The following SHOC2 variants were observed in gnomAD, a reference collection of about 807,000 sequenced individuals.
SHOC2 encodes leucine-rich repeat protein SHOC-2.
In SHOC2, 4 loss-of-function variants were observed where a neutral mutation model predicts 50.2. The observed-to-expected ratio is 0.08, with a 90% CI of 0.04 to 0.18. The LOEUF (loss-of-function observed/expected upper bound fraction) is 0.18, where lower values mean the gene tolerates loss of function less well. SHOC2 is among the 10% of genes least tolerant of loss of function. SHOC2 has a pLI of 1.00. For synonymous variants in SHOC2, 218 were observed against 244.5 expected, an observed-to-expected ratio of 0.89 and a Z score of 1.01; for missense variants, 388 against 669.6, an observed-to-expected ratio of 0.58 and a Z score of 4.64.
intron 3 of SHOC2, among the ~76,000 whole-genome samples, chr10:110,993,255 G>A (rs957323873): frequency 5.9e-5 from 9 of 152,190 alleles, no homozygotes; most frequent in Non-Finnish European, 1.2e-4. Flanking sequence ...TTTCTAGGTT[G>A]CAGTTTAGTT....
At chr10:110,988,189 A>T (rs893339165) in intron 3 of SHOC2, among the ~76,000 whole-genome samples, 1 of 152,154 alleles carries the variant, frequency 6.6e-6, no homozygotes, top group African/African-American at 2.4e-5. Context: ...ATGTAATGTT[A>T]TACAACCTAT....
chr10:111,005,024 G>A (rs1190096881), intron 5 of SHOC2, among the ~76,000 whole-genome samples: 1 of 152,166 alleles, frequency 6.6e-6, no homozygotes. Context: ...AGTGGCTGAT[G>A]CACCTGTAAT....
At chr10:110,967,335 C>T (rs1847694993) in intron 2 of SHOC2, among the ~76,000 whole-genome samples, 1 of 152,136 alleles carries the variant, frequency 6.6e-6, no homozygotes, top group Non-Finnish European at 1.5e-5. Context: ...ATGGGTACCA[C>T]CCCCCATAGA....
At chr10:110,972,588 A>C (rs2134131485) in intron 2 of SHOC2, among the ~76,000 whole-genome samples, 1 of 152,244 alleles carries the variant, frequency 6.6e-6, no homozygotes, top group Non-Finnish European at 1.5e-5. Context: ...AAACAACAAC[A>C]CAGAATAGCA....
At chr10:110,925,711 C>CA (rs1239753782) in intron 1 of SHOC2, among the ~76,000 whole-genome samples, 1 of 152,194 alleles carries the variant, frequency 6.6e-6, no homozygotes, top group East Asian at 1.9e-4. Flanking sequence ...CCTGCCTTGG[C>CA]CTCCCAAAGT....
intron 2 of SHOC2, among the ~76,000 whole-genome samples, 196 bp from the exon 3 acceptor site, chr10:110,985,429 AAAG>A (rs890872952): frequency 9.9e-5 from 15 of 152,078 alleles, no homozygotes; most frequent in African/African-American, 3.6e-4. Flanking sequence ...GATACAGAAA[AAAG>A]AAGTTTTTAT....
intron 1 of SHOC2, among the ~76,000 whole-genome samples, chr10:110,920,476 G>A (rs993972567): frequency 6.6e-6 from 1 of 152,126 alleles, no homozygotes; most frequent in African/African-American, 2.4e-5. Flanking sequence ...ATGCCTAGGT[G>A]GAAGAGTAAT....
At chr10:110,948,194 A>G (rs555076229) in intron 1 of SHOC2, among the ~76,000 whole-genome samples, 2 of 152,220 alleles carry the variant, frequency 1.3e-5, no homozygotes, top group Non-Finnish European at 2.9e-5. Context: ...ATATATATAC[A>G]CTCAACATCA....
intron 3 of SHOC2, among the ~76,000 whole-genome samples, chr10:110,990,583 T>A (rs1361587173): frequency 1.3e-5 from 2 of 152,026 alleles, no homozygotes; most frequent in African/African-American, 2.4e-5. Context: ...ATCAGCGCCC[T>A]GACAAAACAG....
chr10:110,932,667 T>G (rs1158718322), intron 1 of SHOC2, among the ~76,000 whole-genome samples: 2 of 152,176 alleles, frequency 1.3e-5, no homozygotes, highest in Admixed American at 6.5e-5. Flanking sequence ...TTAAGAAGCC[T>G]TTCCTGATTC....
chr10:110,941,456 C>T (rs748544094), intron 1 of SHOC2, among the ~76,000 whole-genome samples: 1 of 151,980 alleles, frequency 6.6e-6, no homozygotes, highest in African/African-American at 2.4e-5. Flanking sequence ...CTCAGCCTCC[C>T]GGGTAGCTGG....
At chr10:110,984,774 A>G (rs1848046344) in intron 2 of SHOC2, among the ~76,000 whole-genome samples, 1 of 152,214 alleles carries the variant, frequency 6.6e-6, no homozygotes, top group Non-Finnish European at 1.5e-5. Context: ...CTGTTCTTTT[A>G]GAGTCCTAGT....
intron 1 of SHOC2, among the ~76,000 whole-genome samples, chr10:110,950,825 A>G (rs1350443132): frequency 6.6e-6 from 1 of 152,204 alleles, no homozygotes; most frequent in Admixed American, 6.5e-5. Context: ...AAGCATGAGC[A>G]TAAAAATTTC....
intron 1 of SHOC2, among the ~76,000 whole-genome samples, chr10:110,920,775 T>C (rs1430861235): frequency 6.6e-6 from 1 of 152,190 alleles, no homozygotes; most frequent in Non-Finnish European, 1.5e-5. Context: ...ATTTTCGAAG[T>C]CTCTGGGGAT....
chr10:111,007,718 A>C (rs976203790), intron 6 of SHOC2, 65 bp downstream of exon 6: 99 of 1,526,670 alleles, frequency 6.5e-5, no homozygotes, highest in Non-Finnish European at 8.9e-5. Context: ...TAAAAATTTC[A>C]AATTTAAATA....
intron 3 of SHOC2, chr10:110,985,977 A>G (rs1848068915): frequency 1.9e-6 from 1 of 522,024 alleles, no homozygotes; most frequent in Non-Finnish European, 3.4e-6. Flanking sequence ...ATGGGATTAT[A>G]AAAGAGAGAG....
chr10:110,991,676 G>A (rs181365619), intron 3 of SHOC2, among the ~76,000 whole-genome samples: 1 of 152,226 alleles, frequency 6.6e-6, no homozygotes, highest in Admixed American at 6.5e-5. Flanking sequence ...TTTTGATGAT[G>A]TAGCAGAAGA....
intron 3 of SHOC2, among the ~76,000 whole-genome samples, chr10:110,997,517 A>G (rs796431601): frequency 7.5e-5 from 11 of 147,146 alleles, no homozygotes; most frequent in African/African-American, 2.8e-4. Flanking sequence ...AAAATGCACA[A>G]TTTTATCATG....
intron 1 of SHOC2, among the ~76,000 whole-genome samples, chr10:110,925,200 A>G (rs762353345): frequency 3.4e-5 from 5 of 148,434 alleles, no homozygotes; most frequent in Non-Finnish European, 5.9e-5. Flanking sequence ...TTTTTTTTGT[A>G]TAATCATTTA....
Sources: allele counts gnomAD v4.1 joint callset (sites outside exome capture counted in the v4.1 genomes callset), GRCh38; gene constraint gnomAD v4.1.1; transcripts MANE v1.5; gene names NCBI Gene and HGNC (gene_info 2026-07-23, HGNC 2026-07-21).